Variants in KIF5C observed in about 807,000 individuals in gnomAD.
KIF5C encodes the protein kinesin heavy chain isoform 5C.
Under a neutral mutation model 125.2 loss-of-function variants are expected in KIF5C, and 18 were observed. The ratio of observed to expected loss-of-function variants is 0.14; its 90% CI spans 0.10 to 0.21. The LOEUF is 0.21. Among genes scored for constraint, KIF5C ranks in the 10% least tolerant of loss-of-function variants. KIF5C has a pLI of 1.00. For synonymous variants in KIF5C, 405 were observed against 434.0 expected, an observed-to-expected ratio of 0.93 and a Z score of 0.83; for missense variants, 780 against 1,183.8, an observed-to-expected ratio of 0.66 and a Z score of 5.01.
At position 148,996,571 on chromosome 2, in the gene KIF5C, C is replaced by T. The variant is rs537240985; in HGVS notation, c.2024-693C>T. 1.5e-4 allele frequency among the ~76,000 whole-genome samples: 23 copies of T among 152,282 alleles called. 1 individual carries two copies. The highest frequency in any genetic ancestry group is 2.9e-4 in the Non-Finnish European group (20 of 68,016). The stretch of plus-strand genomic sequence containing the variant: ...TGTCACTGTCGTAAAGCACTCTGCC[C>T]CCTGGCACCCCAGCTCCCCAGCTGG... On this transcript the variant is annotated intron_variant, in intron 17 of 25. Transcript: ENST00000435030.
At chr2:148,983,833 C>G in intron 15 of KIF5C, 67 bp downstream of exon 15, 2 of 1,461,304 alleles carry the variant, frequency 1.4e-6, no homozygotes, top group South Asian at 3.2e-5. Context: ...GTGCTTTACT[C>G]TTTTAAGCAT....
At position 148,942,554 on chromosome 2, in the gene KIF5C, A is replaced by G. The variant is rs1394849115; in HGVS notation, c.502-119A>G. The G allele has an allele frequency of 2.0e-6, 3 of 1,488,432 alleles. No homozygotes were observed. In the African/African-American group the frequency reaches 4.2e-5, roughly 21 times the overall value. 92.2% of individuals were successfully genotyped at this position (1,488,432 alleles called of 1,614,324 possible). The stretch of plus-strand genomic sequence containing the variant: ...AAGGAGGAAAAGTTGTTGGATCGAT[A>G]TTTCAGCCTTTCTATTTATCTGCAC... On this transcript the variant is annotated intron_variant, in intron 6 of 25. Transcript: ENST00000435030.
rs753262571 is a variant in KIF5C at position 148,924,544 on chromosome 2, A to G, written c.217+2317A>G. 6.6e-6 allele frequency among the ~76,000 whole-genome samples: 1 copy of G among 152,202 alleles called. No individual in the cohort carries two copies. ...GAGTCCTGGCATCTCTCATGCTCCC[A>G]TCTTTGTCTGGTGTTTGTTTTTCAA... On this transcript the variant is annotated intron_variant, in intron 2 of 25. Transcript: ENST00000435030. This position sits in a 1 kb window ranked among gnomAD's most constrained non-coding sequence, Gnocchi z 4.0.
chr2:148,982,903 T>G (rs1681275296), intron 14 of KIF5C, among the ~76,000 whole-genome samples: 1 of 152,238 alleles, frequency 6.6e-6, no homozygotes, highest in Non-Finnish European at 1.5e-5. Context: ...TATAAATAGA[T>G]AACTGTTTTA....
chr2:148,964,183 G>A, intron 11 of KIF5C, among the ~76,000 whole-genome samples: 1 of 151,838 alleles, frequency 6.6e-6, no homozygotes, highest in Non-Finnish European at 1.5e-5. Flanking sequence ...GCTGAGGCAG[G>A]AGAATCGCTT....
intron 8 of KIF5C, chr2:148,947,837 C>G (rs1211958377): frequency 8.8e-6 from 4 of 454,938 alleles, no homozygotes; most frequent in African/African-American, 8.0e-5. Flanking sequence ...TGACATCATG[C>G]TGATTGTCCC....
intron 2 of KIF5C, 98 bp from the exon 3 acceptor site, chr2:148,929,183 G>C: frequency 1.5e-6 from 1 of 677,238 alleles, no homozygotes. Flanking sequence ...TGAAAAATGA[G>C]ATGGGCCATT....
intron 4 of KIF5C, among the ~76,000 whole-genome samples, chr2:148,939,694 A>G (rs1481535693): frequency 6.6e-6 from 1 of 152,230 alleles, no homozygotes; most frequent in Non-Finnish European, 1.5e-5. Context: ...TAAGTGGGCA[A>G]ATTAGTTGCT....
At chr2:148,918,686 G>A (rs1406219292) in intron 1 of KIF5C, among the ~76,000 whole-genome samples, 1 of 152,246 alleles carries the variant, frequency 6.6e-6, no homozygotes, top group Non-Finnish European at 1.5e-5. Context: ...GGGCCACACT[G>A]TAGTGAGATG....
chr2:148,934,228 T>A (rs1000450091), intron 3 of KIF5C, among the ~76,000 whole-genome samples: 1 of 141,606 alleles, frequency 7.1e-6, no homozygotes, highest in Non-Finnish European at 1.5e-5. Context: ...ACATCATACA[T>A]ATACACACAG....
chr2:149,009,071 C>T (rs1438083645), intron 23 of KIF5C, among the ~76,000 whole-genome samples: 2 of 148,544 alleles, frequency 1.3e-5, no homozygotes, highest in Non-Finnish European at 3.0e-5. Flanking sequence ...CTCAGTGCAA[C>T]CTCTGCCTCC....
chr2:148,883,364 G>A (rs1026714294), intron 1 of KIF5C, among the ~76,000 whole-genome samples: 10 of 152,138 alleles, frequency 6.6e-5, no homozygotes, highest in African/African-American at 2.4e-4. Flanking sequence ...AGCCAGGCAT[G>A]GTGGCGGGCA....
At chr2:148,982,252 C>T (rs1323475072) in intron 14 of KIF5C, among the ~76,000 whole-genome samples, 1 of 152,214 alleles carries the variant, frequency 6.6e-6, no homozygotes, top group African/African-American at 2.4e-5. Flanking sequence ...TTTCCAGATT[C>T]TCCAAATGAA....
Position 148,937,383 on chromosome 2 carries a change from A to T in KIF5C, c.391A>T (p.Ile131Leu). Residue 131 changes from isoleucine to leucine, a missense_variant, in exon 4 of 26, where the codon ATA (isoleucine) becomes TTA (leucine). Transcript: ENST00000435030. The part of the protein sequence containing the change: ...YSMDENLEFH[I>L]KVSYFEIYLD... Reference sequence around the variant, plus strand: ...CATGGATGAGAACCTGGAGTTTCACATAAAGGTACGTATTACTGATTGGTC... The same window carrying T: ...CATGGATGAGAACCTGGAGTTTCACTTAAAGGTACGTATTACTGATTGGTC... 6.3e-7 allele frequency: 1 copy of T among 1,587,466 alleles called. No individual in the cohort carries two copies. The highest frequency in any genetic ancestry group is 8.6e-7 in the Non-Finnish European group (1 of 1,165,582).
rs563642263 is a variant in KIF5C, at chr2:148,968,624, A to G, written c.1118-4712A>G. 1.5e-4 allele frequency among the ~76,000 whole-genome samples: 23 copies of G among 152,234 alleles called. No individual in the cohort carries two copies. The South Asian group carries it at 4.8e-3, about 32-fold the overall frequency. ...GGCCTGTTCAGGTGGTCATGAATGTAAGGAGGATGCAGAGTCCCAGGTGAC... is the reference window on the plus strand; with the variant it reads ...GGCCTGTTCAGGTGGTCATGAATGTGAGGAGGATGCAGAGTCCCAGGTGAC... On this transcript the variant is annotated intron_variant, in intron 11 of 25. Coordinates refer to ENST00000435030, the MANE Select transcript of KIF5C (RefSeq NM_004522.3).
intron 11 of KIF5C, among the ~76,000 whole-genome samples, chr2:148,972,097 G>C (rs918570268): frequency 6.6e-5 from 10 of 152,070 alleles, no homozygotes; most frequent in African/African-American, 2.4e-4. Flanking sequence ...ACCACACCCA[G>C]CCAATTTTTG....
chr2:148,924,494 A>T lies in KIF5C; in HGVS notation c.217+2267A>T, dbSNP rs187948437. 2.5e-4 allele frequency among the ~76,000 whole-genome samples: 38 copies of T among 152,110 alleles called. No homozygotes were observed. Among genetic ancestry groups the T allele is most frequent in the African/African-American group, 5.3e-4 (22 of 41,416 alleles). Reference sequence around the variant, plus strand: ...CCTACCACTTCACTGGGTTAAAAAAAATATATTTTAAATGTTTGTTTGTGG... The same window carrying T: ...CCTACCACTTCACTGGGTTAAAAAATATATATTTTAAATGTTTGTTTGTGG... On this transcript the variant is annotated intron_variant, in intron 2 of 25. Coordinates refer to ENST00000435030, the MANE Select transcript of KIF5C (RefSeq NM_004522.3). This position sits in a 1 kb window ranked among gnomAD's most constrained non-coding sequence, Gnocchi z 4.0.
Position 149,001,751 on chromosome 2 carries a change from T to A in KIF5C, c.2373+969T>A, listed in dbSNP as rs535738015. Among the ~76,000 whole-genome samples, 40 of 152,352 alleles carry A rather than the reference T, an allele frequency of 2.6e-4. 1 individual carries two copies. The highest frequency in any genetic ancestry group is 8.9e-4 in the African/African-American group (37 of 41,578). ...GCCTCTCCATTTGGTGAAAACACGTTCAGGCATTTCACATGATTCAATGAC... is the reference window on the plus strand; with the variant it reads ...GCCTCTCCATTTGGTGAAAACACGTACAGGCATTTCACATGATTCAATGAC... On this transcript the variant is annotated intron_variant, in intron 21 of 25. Coordinates refer to ENST00000435030, the MANE Select transcript of KIF5C (RefSeq NM_004522.3).
chr2:148,882,872 A>G (rs1314860989), intron 1 of KIF5C, among the ~76,000 whole-genome samples: 1 of 152,198 alleles, frequency 6.6e-6, no homozygotes, highest in African/African-American at 2.4e-5. Context: ...TTAGGCTGAA[A>G]ACCTTGAGGG....
Sources: allele counts gnomAD v4.1 joint callset (sites outside exome capture counted in the v4.1 genomes callset), GRCh38; gene constraint gnomAD v4.1.1; non-coding constraint Gnocchi (gnomAD v3.1); transcripts MANE v1.5; gene names NCBI Gene and HGNC (gene_info 2026-07-23, HGNC 2026-07-21).